The following SLC5A12 variants were observed in gnomAD, a reference collection of about 807,000 sequenced individuals.
SLC5A12 encodes sodium-coupled monocarboxylate transporter 2.
Under a neutral mutation model 72.7 loss-of-function variants are expected in SLC5A12, and 46 were observed. That is an observed-to-expected ratio of 0.63 (90% confidence interval 0.50 to 0.81). The LOEUF is 0.81. Among genes scored for constraint, SLC5A12 ranks in the 30% least tolerant of loss-of-function variants. SLC5A12 has a pLI of 0.00. For synonymous variants in SLC5A12, 275 were observed against 264.4 expected (o/e 1.04, Z -0.39); for missense variants, 683 against 740.7 (o/e 0.92, Z 0.90).
chr11:26,687,258 T>TA (rs1358744860), intron 9 of SLC5A12, among the ~76,000 whole-genome samples: 1 of 152,192 alleles, frequency 6.6e-6, no homozygotes, highest in Non-Finnish European at 1.5e-5. Context: ...CATCTTTGTT[T>TA]AAAAATAATC....
At chr11:26,676,245 T>A (rs1001923419) in intron 13 of SLC5A12, among the ~76,000 whole-genome samples, 10 of 152,092 alleles carry the variant, frequency 6.6e-5, no homozygotes, top group African/African-American at 2.4e-4. Flanking sequence ...ATTGTAAATA[T>A]TTTAGGCATT....
At chr11:26,683,725 G>C in intron 11 of SLC5A12, 32 bp downstream of exon 11, 3 of 1,541,866 alleles carry the variant, frequency 1.9e-6, no homozygotes, top group Non-Finnish European at 2.6e-6. Flanking sequence ...AGTTTTGACT[G>C]GGAATTGTGA....
In SLC5A12 at chr11:26,712,664, TG is replaced by T. The variant is rs1855258914; in HGVS notation, c.381del (p.Thr128ArgfsTer26). 1 of 1,590,560 alleles carries T rather than the reference TG, an allele frequency of 6.3e-7. No homozygotes were observed. The highest frequency in any genetic ancestry group is 1.7e-5 in the Admixed American group (1 of 59,726). On this transcript the variant is annotated frameshift_variant, in exon 2 of 15. Transcript: ENST00000396005. LOFTEE classifies it high-confidence loss of function. ...ACCGTCTGTACAATGTAGATGACCG[TG>T]GCAGCATAGCGAACTGGTTTGTTGA... Reference protein sequence around the residue: ...LRFNKPVRYAATVIYIVQTIL... With the variant: ...LRFNKPVRYAXTVIYIVQTIL...
chr11:26,720,229 T>C (rs77565148), intron 1 of SLC5A12, among the ~76,000 whole-genome samples: 6,363 of 151,936 alleles, frequency 0.042, 351 homozygotes, highest in African/African-American at 0.12. Context: ...GTGGCAAACT[T>C]CTGTAGTCCC....
At chr11:26,713,472 A>G (rs1410676641) in intron 1 of SLC5A12, among the ~76,000 whole-genome samples, 3 of 152,176 alleles carry the variant, frequency 2.0e-5, no homozygotes, top group Admixed American at 1.3e-4. Context: ...GGAAAAGTAA[A>G]TACATTCTTT....
At position 26,698,479 on chromosome 11, in the gene SLC5A12, G is replaced by A; in HGVS notation, c.878C>T (p.Ser293Phe). The A allele has an allele frequency of 6.2e-7, 1 of 1,614,014 alleles. No homozygotes were observed. The highest frequency in any genetic ancestry group is 8.5e-7 in the Non-Finnish European group (1 of 1,179,954). The change falls in exon 7 of 15, where the codon TCT becomes TTT. Residue 293 changes from serine (S) to phenylalanine (F), a missense_variant. Physicochemically the swap from Ser to Phe is radical, Grantham distance 155. Coordinates refer to ENST00000396005, the MANE Select transcript of SLC5A12 (RefSeq NM_178498.4). ...LWIILVCAVF[S>F]GLIMYSHFKD... is the part of the protein sequence containing the mutation. ...AAAGTGAGAGTACATGATTAAGCCA[G>A]AGAAGACAGCACACACCAGAATGAT...
At chr11:26,672,406 C>A (rs181145776) in intron 14 of SLC5A12, among the ~76,000 whole-genome samples, 1 of 152,102 alleles carries the variant, frequency 6.6e-6, no homozygotes, top group Non-Finnish European at 1.5e-5. Flanking sequence ...AAAAAATACT[C>A]CTGCCCTTAA....
intron 4 of SLC5A12, among the ~76,000 whole-genome samples, chr11:26,707,073 ATT>A (rs1855106945): frequency 6.6e-6 from 1 of 151,814 alleles, no homozygotes; most frequent in South Asian, 2.1e-4. Context: ...GGTTCTTGAC[ATT>A]CAACTCCTGA....
chr11:26,705,694 C>A (rs903767014), intron 4 of SLC5A12, among the ~76,000 whole-genome samples: 2 of 152,052 alleles, frequency 1.3e-5, no homozygotes, highest in Non-Finnish European at 1.5e-5. Context: ...ATCCATTAAG[C>A]CTTCAAAACC....
intron 11 of SLC5A12, 73 bp from the exon 12 acceptor site, chr11:26,681,294 T>C (rs1296857938): frequency 4.8e-4 from 456 of 949,946 alleles, no homozygotes; most frequent in Non-Finnish European, 6.3e-4. Flanking sequence ...AGATGAGGAG[T>C]TCTATGCCTT....
intron 5 of SLC5A12, 46 bp from the exon 6 acceptor site, chr11:26,703,717 C>T (rs765036712): frequency 3.1e-6 from 5 of 1,612,932 alleles, no homozygotes; most frequent in South Asian, 2.2e-5. Flanking sequence ...TCCTTTGATG[C>T]CTAAGATATT....
rs116202877 is a variant in SLC5A12 at position 26,679,418 on chromosome 11, T to C, written c.1476-603A>G. Among the ~76,000 whole-genome samples the C allele has an allele frequency of 2.0e-3, 311 of 152,262 alleles. 2 individuals are homozygous for C. The highest frequency in any genetic ancestry group is 7.3e-3 in the African/African-American group (302 of 41,560). ...TATAGGCAGGAGGGAAGAATCAACA[T>C]GGTTTATGGGGAACCATGAATAGGT... On this transcript the variant is annotated intron_variant, in intron 12 of 14. Transcript: ENST00000396005.
chr11:26,698,988 T>C (rs1256265521), intron 6 of SLC5A12, among the ~76,000 whole-genome samples: 1 of 152,204 alleles, frequency 6.6e-6, no homozygotes, highest in Non-Finnish European at 1.5e-5. Flanking sequence ...TTGGAAATAT[T>C]CACTTTGGAG....
intron 13 of SLC5A12, among the ~76,000 whole-genome samples, 185 bp from the exon 14 acceptor site, chr11:26,673,714 A>G (rs1469414457): frequency 1.3e-5 from 2 of 152,172 alleles, no homozygotes; most frequent in Non-Finnish European, 2.9e-5. Flanking sequence ...TTAAACATCA[A>G]CAAATTGTCA....
At position 26,671,166 on chromosome 11, in the gene SLC5A12, A is replaced by G. The variant is rs1400488706; in HGVS notation, c.1793T>C (p.Val598Ala). The change falls in exon 15 of 15, where the codon GTT (valine) becomes GCT (alanine). Residue 598 changes from valine to alanine, a missense_variant. Physicochemically the swap from Val to Ala is moderately conservative, Grantham distance 64. Coordinates refer to ENST00000396005, the MANE Select transcript of SLC5A12 (RefSeq NM_178498.4). Reference protein sequence around the residue: ...NGLRRESLVHVPGYDPKDKSY... With the variant: ...NGLRRESLVHAPGYDPKDKSY... ...TTTGTCCTTAGGATCATAGCCTGGA[A>G]CATGTACCAGGCTTTCTCTTCTGAG... 3.0e-5 allele frequency: 48 copies of G among 1,612,732 alleles called. No homozygotes were observed. Among genetic ancestry groups the G allele is most frequent in the Non-Finnish European group, 3.7e-5 (44 of 1,179,314 alleles).
chr11:26,684,463 T>C (rs948084121), intron 10 of SLC5A12, among the ~76,000 whole-genome samples: 1 of 152,136 alleles, frequency 6.6e-6, no homozygotes, highest in Non-Finnish European at 1.5e-5. Context: ...GTAAAGGTAA[T>C]TTTATCTTCC....
intron 10 of SLC5A12, among the ~76,000 whole-genome samples, chr11:26,684,467 A>G: frequency 6.6e-6 from 1 of 152,136 alleles, no homozygotes; most frequent in African/African-American, 2.4e-5. Context: ...AGGTAATTTT[A>G]TCTTCCCTGT....
At chr11:26,705,490 A>G (rs1259645759) in intron 4 of SLC5A12, among the ~76,000 whole-genome samples, 2 of 152,172 alleles carry the variant, frequency 1.3e-5, no homozygotes, top group Non-Finnish European at 2.9e-5. Flanking sequence ...CTTCATCTTC[A>G]TCTTGAGATG....
At chr11:26,677,270 G>A (rs1854287722) in intron 13 of SLC5A12, among the ~76,000 whole-genome samples, 1 of 152,088 alleles carries the variant, frequency 6.6e-6, no homozygotes, top group Non-Finnish European at 1.5e-5. Flanking sequence ...GAAAACAAAG[G>A]GATTAATACT....
Sources: allele counts gnomAD v4.1 joint callset (sites outside exome capture counted in the v4.1 genomes callset), GRCh38; gene constraint gnomAD v4.1.1; transcripts MANE v1.5; gene names NCBI Gene and HGNC (gene_info 2026-07-23, HGNC 2026-07-21).